Variants in PLIN1 observed in about 807,000 individuals in gnomAD.
The protein encoded by PLIN1 is perilipin 1.
A neutral mutation model predicts 45.8 loss-of-function variants in PLIN1; 37 were observed. That is an observed-to-expected ratio of 0.81 (90% CI 0.62 to 1.06). The LOEUF (loss-of-function observed/expected upper bound fraction) is 1.06. PLIN1 is among the 50% of genes least tolerant of loss of function. The pLI is 0.00. For synonymous variants in PLIN1, 340 were observed against 309.2 expected, an observed-to-expected ratio of 1.10 and a Z score of -1.05; for missense variants, 776 against 716.5, an observed-to-expected ratio of 1.08 and a Z score of -0.95.
At chr15:89,675,455 A>C (rs1209933613) in intron 2 of PLIN1, among the ~76,000 whole-genome samples, 1 of 146,016 alleles carries the variant, frequency 6.8e-6, no homozygotes. Context: ...AAAGCTGGCC[A>C]TGCTAATATT....
chr15:89,665,508 C>G lies in PLIN1; in HGVS notation c.*75G>C. 6.9e-7 allele frequency: 1 copy of G among 1,447,476 alleles called. No individual in the cohort carries two copies. The highest frequency in any genetic ancestry group is 9.3e-7 in the Non-Finnish European group (1 of 1,080,716). 89.7% of individuals were successfully genotyped at this position (1,447,476 alleles called of 1,614,324 possible). On this transcript the variant is annotated 3_prime_UTR_variant, in exon 9 of 9. Transcript: ENST00000300055. Reference sequence around the variant, plus strand: ...GGACCACTTTGAAAGTGGCAACGCTCGCCTGGGCAGTGCGGGTTCTGTTTA... The same window carrying G: ...GGACCACTTTGAAAGTGGCAACGCTGGCCTGGGCAGTGCGGGTTCTGTTTA...
In PLIN1 at chr15:89,669,992, T is replaced by C. The variant is rs1472541978; in HGVS notation, c.586A>G (p.Lys196Glu). 1.2e-6 allele frequency: 2 copies of C among 1,611,902 alleles called. No homozygotes were observed. Among genetic ancestry groups the C allele is most frequent in the Non-Finnish European group, 8.5e-7 (1 of 1,179,566 alleles). Residue 196 changes from lysine to glutamate, a missense_variant, in exon 5 of 9, where the codon AAG (lysine) becomes GAG (glutamate). Lys to Glu is a moderately conservative substitution (Grantham distance 56). Transcript: ENST00000300055. Reference protein sequence around the residue: ...KVVEYLLPPDKEESAPAPGHQ... With the variant: ...KVVEYLLPPDEEESAPAPGHQ... ...GAATGGCAGGTACCTGACTCTTCCT[T>C]GTCTGGAGGGAGGAGGTACTCCACC...
chr15:89,671,825 A>G (rs540617748), intron 3 of PLIN1, among the ~76,000 whole-genome samples: 4 of 152,362 alleles, frequency 2.6e-5, no homozygotes, highest in Admixed American at 2.0e-4. Context: ...ACCACATCTA[A>G]GAAGCCTGTG....
At chr15:89,667,581 G>A in intron 7 of PLIN1, 21 bp downstream of exon 7, 8 of 1,614,142 alleles carry the variant, frequency 5.0e-6, no homozygotes, top group Non-Finnish European at 6.8e-6. Flanking sequence ...GGGACCTTGA[G>A]GCTCCCACTC....
intron 2 of PLIN1, among the ~76,000 whole-genome samples, chr15:89,675,355 C>T (rs1479190101): frequency 6.6e-6 from 1 of 150,742 alleles, no homozygotes; most frequent in Non-Finnish European, 1.5e-5. Flanking sequence ...GCCTGTAATC[C>T]CAACACTTTG....
At chr15:89,669,233 G>C (rs1408818528) in intron 6 of PLIN1, among the ~76,000 whole-genome samples, 1 of 152,012 alleles carries the variant, frequency 6.6e-6, no homozygotes, top group Non-Finnish European at 1.5e-5. Context: ...GAGGGAAATG[G>C]GGGAGATAGA....
chr15:89,667,733 C>T lies in PLIN1; in HGVS notation c.832G>A (p.Glu278Lys), dbSNP rs1003840383. The T allele has an allele frequency of 7.0e-6, 11 of 1,569,926 alleles. No homozygotes were observed. In the Admixed American group the frequency reaches 7.6e-5, roughly 11 times the overall value. Residue 278 changes from glutamate to lysine, a missense_variant, in exon 7 of 9, where the codon GAA becomes AAA. By Grantham distance (56) the Glu-to-Lys change is moderately conservative (BLOSUM62 1). Coordinates refer to ENST00000300055, the MANE Select transcript of PLIN1 (RefSeq NM_002666.5). ...CTGTGCAGCCAGGGTACCCGCACTT[C>T]GCTCCTCCGCCGGGACACCGCCTGC... ...AMQAVSRRRS[E>K]VRVPWLHSLA...
rs1407206646 is a variant in PLIN1 at position 89,665,665 on chromosome 15, AC to A, written c.1486del (p.Val496SerfsTer45). ...AVPREKPKRR[V>X]SDSFFRPSVM... ...GCTGGGCCGGAAGAAGCTGTCGCTG[AC>A]CCTGCGCTTTGGCTTCTCGCGGGGC... On this transcript the variant is annotated frameshift_variant, in exon 9 of 9. Transcript: ENST00000300055. LOFTEE classifies it high-confidence loss of function. The A allele has an allele frequency of 6.7e-7, 1 of 1,492,296 alleles. No homozygotes were observed. The highest frequency in any genetic ancestry group is 8.9e-7 in the Non-Finnish European group (1 of 1,124,384). 92.4% of individuals were successfully genotyped at this position (1,492,296 alleles called of 1,614,324 possible). A position where few individuals can be genotyped will look rare whatever the true frequency, so the allele number is the denominator to read the frequency against.
rs150004289 is a variant in PLIN1 at position 89,673,215 on chromosome 15, G to A, written c.245C>T (p.Thr82Ile). The A allele has an allele frequency of 2.3e-3, 3,563 of 1,563,422 alleles. 7 individuals carry two copies. The highest frequency in any genetic ancestry group is 2.8e-3 in the Non-Finnish European group (3,243 of 1,153,496). ...TGAGCGCCGCAAGGACTCACACTGG[G>A]TGGACAGCCTGCGGACCACCGGCTC... ...SMEPVVRRLS[T>I]QFTAANELAC... The change falls in exon 3 of 9, where the codon ACC becomes ATC. Residue 82 changes from threonine (T) to isoleucine (I), a missense_variant. Thr to Ile is a moderately conservative substitution (Grantham distance 89, BLOSUM62 -1). Transcript: ENST00000300055.
At chr15:89,671,121 T>C (rs532717593) in intron 4 of PLIN1, among the ~76,000 whole-genome samples, 2 of 152,350 alleles carry the variant, frequency 1.3e-5, no homozygotes, top group South Asian at 2.1e-4. Flanking sequence ...TCCTGGGATC[T>C]GAATGAGTGT....
Position 89,669,610 on chromosome 15 carries a change from T to C in PLIN1, c.661A>G (p.Arg221Gly). 1 of 1,614,044 alleles carries C rather than the reference T, an allele frequency of 6.2e-7. No homozygotes were observed. The highest frequency in any genetic ancestry group is 8.5e-7 in the Non-Finnish European group (1 of 1,179,980). ...AGGGTGTTGGTCAGAGCCCCAACCC[T>C]GCTCAAGAGGCTTGGCTTGGCCTTG... ...SPKAKPSLLSRVGALTNTLSR... is the reference protein window; with the variant it reads ...SPKAKPSLLSGVGALTNTLSR... Residue 221 changes from arginine (R) to glycine (G), a missense_variant, in exon 6 of 9, where the codon AGG becomes GGG. Transcript: ENST00000300055.
intron 5 of PLIN1, 50 bp from the exon 6 acceptor site, chr15:89,669,722 C>A (rs369913338): frequency 3.9e-6 from 6 of 1,553,926 alleles, no homozygotes; most frequent in Admixed American, 1.8e-5. Context: ...AGAGAGGGGC[C>A]GGAGAGATCT....
chr15:89,678,443 G>A (rs1012359640), intron 1 of PLIN1, among the ~76,000 whole-genome samples: 3 of 151,864 alleles, frequency 2.0e-5, no homozygotes, highest in Non-Finnish European at 4.4e-5. Context: ...CTGAGAGGTG[G>A]AGGTTGCAGT....
intron 8 of PLIN1, 21 bp from the exon 9 acceptor site, chr15:89,665,963 T>A: frequency 6.8e-7 from 1 of 1,473,688 alleles, no homozygotes; most frequent in South Asian, 1.3e-5. Flanking sequence ...GGCAGCCGCC[T>A]TAGAGTCCTG....
intron 1 of PLIN1, among the ~76,000 whole-genome samples, chr15:89,678,159 C>T (rs999587894): frequency 6.6e-6 from 1 of 151,708 alleles, no homozygotes; most frequent in African/African-American, 2.4e-5. Flanking sequence ...TCCCAAAGTG[C>T]TGTGATTACA....
intron 1 of PLIN1, chr15:89,678,044 C>G (rs1964546131): frequency 6.5e-6 from 1 of 152,754 alleles, no homozygotes; most frequent in Non-Finnish European, 1.5e-5. Context: ...CAGGCATGAA[C>G]CACCACACTG....
At chr15:89,671,040 T>G (rs1350533732) in intron 4 of PLIN1, among the ~76,000 whole-genome samples, 1 of 152,150 alleles carries the variant, frequency 6.6e-6, no homozygotes, top group Non-Finnish European at 1.5e-5. Flanking sequence ...CCAATAAATA[T>G]GTAGCCAGGT....
rs1964369570 is a variant in PLIN1 at position 89,667,605 on chromosome 15, A to G, written c.960T>C (p.Ser320=). 5.0e-6 allele frequency: 8 copies of G among 1,614,046 alleles called. No individual in the cohort carries two copies. The highest frequency in any genetic ancestry group is 5.9e-6 in the Non-Finnish European group (7 of 1,179,962). The change falls in exon 7 of 9, where the codon AGT becomes AGC. Residue 320 remains serine, a synonymous_variant. Transcript: ENST00000300055. ...EELETEENKF[S]EVAALPGPRG... Reference sequence around the variant, plus strand: ...AGGCTCCCACTCTCCCCCTCACCTCACTGAACTTGTTCTCCTCAGTCTCCA... The same window carrying G: ...AGGCTCCCACTCTCCCCCTCACCTCGCTGAACTTGTTCTCCTCAGTCTCCA...
Position 89,669,572 on chromosome 15 carries a change from G to A in PLIN1, c.699C>T (p.Thr233=), listed in dbSNP as rs763514880. ...CCAGGGCCCGGGCCATGGTCTGCACGGTGTATCGAGAGAGGGTGTTGGTCA... is the reference window on the plus strand; with the variant it reads ...CCAGGGCCCGGGCCATGGTCTGCACAGTGTATCGAGAGAGGGTGTTGGTCA... ...GALTNTLSRY[T]VQTMARALEQ... is the part of the protein sequence containing the mutation. The change falls in exon 6 of 9, where the codon ACC becomes ACT. Residue 233 remains threonine (T), a synonymous_variant. Coordinates refer to ENST00000300055, the MANE Select transcript of PLIN1 (RefSeq NM_002666.5). 19 of 1,613,788 alleles carry A rather than the reference G, an allele frequency of 1.2e-5. No homozygotes were observed. The highest frequency in any genetic ancestry group is 5.3e-5 in the African/African-American group (4 of 74,906).
Sources: allele counts gnomAD v4.1 joint callset (sites outside exome capture counted in the v4.1 genomes callset), GRCh38; gene constraint gnomAD v4.1.1; transcripts MANE v1.5; gene names NCBI Gene and HGNC (gene_info 2026-07-23, HGNC 2026-07-21).